DNMT3A: variants seen among roughly 807,000 people sequenced by gnomAD.
DNMT3A encodes the protein DNA (cytosine-5)-methyltransferase 3A.
DNMT3A carries 267 observed loss-of-function variants against 117.6 expected under a neutral mutation model. The observed-to-expected ratio is 2.27, with a 90% CI of 2.05 to 2.51. DNMT3A has a LOEUF of 2.51. Among genes scored for constraint, DNMT3A ranks in the 30% most tolerant of loss-of-function variants. DNMT3A has a pLI of 0.00. For missense variants in DNMT3A, 1,029 were observed against 1,260.2 expected (o/e 0.82, Z 2.78); for synonymous variants, 432 against 474.8 (o/e 0.91, Z 1.17).
Position 25,233,990 on chromosome 2 carries a change from A to C in DNMT3A, c.*289T>G, listed in dbSNP as rs1673039609. 1 of 293,876 alleles carries C rather than the reference A, an allele frequency of 3.4e-6. No individual in the cohort carries two copies. Among genetic ancestry groups the C allele is most frequent in the South Asian group, 1.3e-4 (1 of 7,800 alleles). The allele number at this position is 293,876 out of a possible 1,614,324, so 18.2% of individuals were successfully genotyped here. A position where few individuals can be genotyped will look rare whatever the true frequency, so the allele number is the denominator to read the frequency against. On this transcript the variant is annotated 3_prime_UTR_variant, in exon 23 of 23. Transcript: ENST00000321117. ...CCCTCTGAAAAGAGTAGAAAATAAA[A>C]GGTCTGACCGAAAAAAAAGGGAAGG...
chr2:25,330,977 GAACAGGAGGA>G (rs1179282718), intron 1 of DNMT3A, among the ~76,000 whole-genome samples: 5 of 152,202 alleles, frequency 3.3e-5, no homozygotes, highest in African/African-American at 1.2e-4. Context: ...GTTTTGGAGG[GAACAGGAGGA>G]AACAGGCTTC....
intron 6 of DNMT3A, 122 bp downstream of exon 6, chr2:25,274,819 C>A: frequency 7.1e-7 from 1 of 1,412,690 alleles, no homozygotes; most frequent in Non-Finnish European, 9.5e-7. Flanking sequence ...GTCATCATGA[C>A]TAGAGATTAA....
At chr2:25,336,072 G>A (rs1320256621) in intron 1 of DNMT3A, among the ~76,000 whole-genome samples, 1 of 152,238 alleles carries the variant, frequency 6.6e-6, no homozygotes, top group Non-Finnish European at 1.5e-5. Context: ...CCTCCAGACA[G>A]GTTGGTGGCC....
rs1407282988 is a variant in DNMT3A at position 25,315,100 on chromosome 2, AGCGGGAG to A, written c.-177-946_-177-940del. Among the ~76,000 whole-genome samples the A allele has an allele frequency of 2.0e-5, 3 of 151,998 alleles. No individual in the cohort carries two copies. In the East Asian group the frequency reaches 5.8e-4, roughly 29 times the overall value. On this transcript the variant is annotated intron_variant, in intron 1 of 22. Transcript: ENST00000321117. The stretch of plus-strand genomic sequence containing the variant: ...AGGAGGGGATTGGCAGGCAAGGGAG[AGCGGGAG>A]GCAGGCTGGATCTGGGCCCACCCAC...
chr2:25,280,617 A>T (rs1573416155), intron 4 of DNMT3A, among the ~76,000 whole-genome samples: 1 of 152,042 alleles, frequency 6.6e-6, no homozygotes, highest in Admixed American at 6.5e-5. Flanking sequence ...GCTTATCTCC[A>T]TGTGTAATCT....
rs373135318 is a variant in DNMT3A at position 25,294,422 on chromosome 2, G to A, written c.177+5717C>T. Reference sequence around the variant, plus strand: ...ATGAGGAGACAGAGTGGGCAGCAGCGTGTACTGATGCAGGCTCGCAGGAAG... The same window carrying A: ...ATGAGGAGACAGAGTGGGCAGCAGCATGTACTGATGCAGGCTCGCAGGAAG... On this transcript the variant is annotated intron_variant, in intron 3 of 22. Coordinates refer to ENST00000321117, the MANE Select transcript of DNMT3A (RefSeq NM_022552.5). This position sits in a 1 kb window ranked among gnomAD's most constrained non-coding sequence, Gnocchi z 4.7. Among the ~76,000 whole-genome samples, 71 of 152,246 alleles carry A rather than the reference G, an allele frequency of 4.7e-4. No homozygotes were observed. Among genetic ancestry groups the A allele is most frequent in the African/African-American group, 1.4e-3 (57 of 41,548 alleles).
intron 2 of DNMT3A, among the ~76,000 whole-genome samples, chr2:25,313,056 G>T (rs191592238): frequency 6.6e-6 from 1 of 152,326 alleles, no homozygotes; most frequent in Non-Finnish European, 1.5e-5. Flanking sequence ...TCCCCTGGAG[G>T]GTGGCAGTGA....
In DNMT3A at chr2:25,244,240, T is replaced by A; in HGVS notation, c.1766A>T (p.Lys589Met). The A allele has an allele frequency of 6.2e-7, 1 of 1,614,014 alleles. No homozygotes were observed. The highest frequency in any genetic ancestry group is 8.5e-7 in the Non-Finnish European group (1 of 1,180,004). Residue 589 changes from lysine to methionine, a missense_variant, in exon 15 of 23, where the codon AAG becomes ATG. Transcript: ENST00000321117. ...DPWNCYMCGH[K>M]GTYGLLRRRE... ...CCGCCGCAGCAGCCCGTAGGTACCC[T>A]TGTGCCCGCACATGTAGCAGTTCCA...
In DNMT3A at chr2:25,252,639, G is replaced by A. The variant is rs1675729964; in HGVS notation, c.640-4387C>T. Among the ~76,000 whole-genome samples the A allele has an allele frequency of 6.6e-6, 1 of 152,144 alleles. No individual in the cohort carries two copies. Among genetic ancestry groups the A allele is most frequent in the East Asian group, 1.9e-4 (1 of 5,184 alleles). ...GCGGGGCCGGGGGGCCGGGAGGGGA[G>A]GGAAGGGGCTGCTCCCGAGCCGCCT... On this transcript the variant is annotated intron_variant, in intron 6 of 22. Transcript: ENST00000321117. This position sits in a 1 kb window ranked among gnomAD's most constrained non-coding sequence, Gnocchi z 5.5.
At chr2:25,285,195 T>C (rs896852790) in intron 3 of DNMT3A, among the ~76,000 whole-genome samples, 11 of 152,160 alleles carry the variant, frequency 7.2e-5, no homozygotes, top group Non-Finnish European at 1.6e-4. Context: ...ACCACTCAAG[T>C]GCACAGCCTG....
At chr2:25,292,029 C>T (rs185091905) in intron 3 of DNMT3A, among the ~76,000 whole-genome samples, 7 of 151,800 alleles carry the variant, frequency 4.6e-5, no homozygotes, top group South Asian at 2.1e-4. Context: ...CCGAGGCGGG[C>T]GGATCATCTG....
chr2:25,282,255 A>C lies in DNMT3A; in HGVS notation c.448+186T>G, dbSNP rs559112942. 12 of 1,380,974 alleles carry C rather than the reference A, an allele frequency of 8.7e-6. No homozygotes were observed. In the African/African-American group the frequency reaches 1.8e-4, roughly 21 times the overall value. The allele number at this position is 1,380,974 out of a possible 1,614,324, so 85.5% of individuals were successfully genotyped here. On this transcript the variant is annotated intron_variant, in intron 4 of 22. Coordinates refer to ENST00000321117, the MANE Select transcript of DNMT3A (RefSeq NM_022552.5). The surrounding 1 kb of genome is among the most constrained non-coding windows in gnomAD (Gnocchi z 5.2). ...ATTTTTTAAATGTTTAAAACACTCT[A>C]TGGGCCAAATAAAACATATGCGCAG... is the stretch of plus-strand genomic sequence containing the variant.
chr2:25,271,413 C>A (rs566062268), intron 6 of DNMT3A, among the ~76,000 whole-genome samples: 3 of 152,222 alleles, frequency 2.0e-5, no homozygotes, highest in Admixed American at 6.5e-5. Context: ...AGTCTGAGGG[C>A]GACTTGGGAA....
rs1046966066 is a variant in DNMT3A, at chr2:25,327,050, T to C, written c.-177-12889A>G. On this transcript the variant is annotated intron_variant, in intron 1 of 22. Coordinates refer to ENST00000321117, the MANE Select transcript of DNMT3A (RefSeq NM_022552.5). This position sits in a 1 kb window ranked among gnomAD's most constrained non-coding sequence, Gnocchi z 4.1. ...AGAGACGTTGCCATCCAGGGAGCCA[T>C]CGCCACACCCTCTCCATCAAGGTGT... 6.6e-6 allele frequency among the ~76,000 whole-genome samples: 1 copy of C among 152,196 alleles called. No individual in the cohort carries two copies. Among genetic ancestry groups the C allele is most frequent in the Admixed American group, 6.5e-5 (1 of 15,284 alleles).
At position 25,239,923 on chromosome 2, in the gene DNMT3A, AG is replaced by A. The variant is rs527684106; in HGVS notation, c.2322+378del. On this transcript the variant is annotated intron_variant, in intron 19 of 22. Coordinates refer to ENST00000321117, the MANE Select transcript of DNMT3A (RefSeq NM_022552.5). ...CTTCTCAGGTGCCTGTCATGGTACC[AG>A]GGAGTGAGGATAGGCCCTTCTTGCT... Among the ~76,000 whole-genome samples the A allele has an allele frequency of 4.6e-5, 7 of 152,368 alleles. No homozygotes were observed. The East Asian group carries it at 1.2e-3, about 25-fold the overall frequency.
In DNMT3A at chr2:25,252,390, G is replaced by T; in HGVS notation, c.640-4138C>A. On this transcript the variant is annotated intron_variant, in intron 6 of 22. Coordinates refer to ENST00000321117, the MANE Select transcript of DNMT3A (RefSeq NM_022552.5). This position sits in a 1 kb window ranked among gnomAD's most constrained non-coding sequence, Gnocchi z 5.5. Reference sequence around the variant, plus strand: ...CTTTGTCTAGGACTCCAGGTCACGTGGGCCCCGCTGGAGGGCCTGGTTGGC... The same window carrying T: ...CTTTGTCTAGGACTCCAGGTCACGTTGGCCCCGCTGGAGGGCCTGGTTGGC... 1 of 579,304 alleles carries T rather than the reference G, an allele frequency of 1.7e-6. No individual in the cohort carries two copies. Among genetic ancestry groups the T allele is most frequent in the Non-Finnish European group, 2.7e-6 (1 of 368,174 alleles). The allele number at this position is 579,304 out of a possible 1,614,324, so 35.9% of individuals were successfully genotyped here.
chr2:25,286,224 A>G lies in DNMT3A; in HGVS notation c.178-3513T>C, dbSNP rs956389014. On this transcript the variant is annotated intron_variant, in intron 3 of 22. Transcript: ENST00000321117. This position sits in a 1 kb window ranked among gnomAD's most constrained non-coding sequence, Gnocchi z 4.3. ...CTATGAGGGCCGGCTCTGAGGCCCA[A>G]CACAGCCCCAGGCTCCCGACCAACC... Among the ~76,000 whole-genome samples, 17 of 152,218 alleles carry G rather than the reference A, an allele frequency of 1.1e-4. No individual in the cohort carries two copies. Among genetic ancestry groups the G allele is most frequent in the African/African-American group, 4.1e-4 (17 of 41,450 alleles).
At chr2:25,309,193 G>A (rs370016360) in intron 2 of DNMT3A, among the ~76,000 whole-genome samples, 6 of 152,176 alleles carry the variant, frequency 3.9e-5, no homozygotes, top group African/African-American at 9.7e-5. Context: ...CTCCAAGCAC[G>A]GTCACTCAGT....
chr2:25,240,849 C>A, intron 17 of DNMT3A, 119 bp from the exon 18 acceptor site: 1 of 956,114 alleles, frequency 1.0e-6, no homozygotes, highest in South Asian at 1.5e-5. Flanking sequence ...AGAGGAGACC[C>A]AGCTGCTCTG....
Sources: allele counts gnomAD v4.1 joint callset (sites outside exome capture counted in the v4.1 genomes callset), GRCh38; gene constraint gnomAD v4.1.1; non-coding constraint Gnocchi (gnomAD v3.1); transcripts MANE v1.5; gene names NCBI Gene and HGNC (gene_info 2026-07-23, HGNC 2026-07-21).